Variants in GALNT17 observed in about 807,000 individuals in gnomAD.
GALNT17 encodes polypeptide N-acetylgalactosaminyltransferase 17.
GALNT17 carries 29 observed loss-of-function variants against 63.7 expected under a neutral mutation model. The observed-to-expected ratio is 0.46, with a 90% CI of 0.34 to 0.62. GALNT17 has a LOEUF of 0.62. Ranked by LOEUF, GALNT17 falls within the 20% of genes least tolerant of loss-of-function variation. GALNT17 has a pLI of 0.01. For synonymous variants in GALNT17, 305 were observed against 318.3 expected (o/e 0.96, Z 0.45); for missense variants, 603 against 799.6 (o/e 0.75, Z 2.97).
chr7:71,348,260 C>CA (rs35041703), intron 2 of GALNT17, among the ~76,000 whole-genome samples: 3,718 of 137,084 alleles, frequency 0.027, 125 homozygotes, highest in African/African-American at 0.089. Context: ...GACTCTGTCT[C>CA]AAAAAAAAAA....
intron 5 of GALNT17, among the ~76,000 whole-genome samples, chr7:71,540,928 C>A (rs1788879161): frequency 6.6e-6 from 1 of 151,982 alleles, no homozygotes; most frequent in African/African-American, 2.4e-5. Flanking sequence ...TAAGACACAT[C>A]GAAGAGTTAT....
chr7:71,516,873 C>T (rs1453964028), intron 5 of GALNT17, among the ~76,000 whole-genome samples: 1 of 152,200 alleles, frequency 6.6e-6, no homozygotes, highest in African/African-American at 2.4e-5. Context: ...GTTTGACCTA[C>T]CAAGAAAACA....
intron 5 of GALNT17, among the ~76,000 whole-genome samples, chr7:71,537,644 T>C (rs1198863801): frequency 6.6e-6 from 1 of 152,094 alleles, no homozygotes; most frequent in Non-Finnish European, 1.5e-5. Flanking sequence ...AAACCCTGTC[T>C]GTGCTAAAAA....
intron 5 of GALNT17, among the ~76,000 whole-genome samples, chr7:71,550,368 GT>G (rs1006667329): frequency 6.6e-6 from 1 of 150,638 alleles, no homozygotes; most frequent in Non-Finnish European, 1.5e-5. Flanking sequence ...GTTGTTTTTT[GT>G]TTTTTTGTGT....
chr7:71,530,789 C>T (rs1000556571), intron 5 of GALNT17, among the ~76,000 whole-genome samples: 1 of 151,968 alleles, frequency 6.6e-6, no homozygotes, highest in Non-Finnish European at 1.5e-5. Context: ...AGGATGGTCT[C>T]GATCTCCTGA....
intron 2 of GALNT17, among the ~76,000 whole-genome samples, chr7:71,364,722 A>G (rs981388205): frequency 5.9e-5 from 9 of 152,284 alleles, no homozygotes; most frequent in Admixed American, 2.6e-4. Context: ...GACTTTGCCT[A>G]CTAGAGCTTA....
chr7:71,287,787 A>C (rs1011955131), intron 1 of GALNT17, among the ~76,000 whole-genome samples: 1 of 151,976 alleles, frequency 6.6e-6, no homozygotes, highest in East Asian at 1.9e-4. Flanking sequence ...CATGGTGGCT[A>C]ACGCCTGTAA....
chr7:71,512,212 G>A (rs1037476510), intron 5 of GALNT17, among the ~76,000 whole-genome samples: 2 of 151,802 alleles, frequency 1.3e-5, no homozygotes, highest in African/African-American at 2.4e-5. Flanking sequence ...ACCTTGTTAC[G>A]CAGGCTGGTC....
chr7:71,656,730 C>T (rs376148179), intron 6 of GALNT17, among the ~76,000 whole-genome samples: 1 of 152,090 alleles, frequency 6.6e-6, no homozygotes, highest in Non-Finnish European at 1.5e-5. Context: ...AGTGAAGAGG[C>T]ATCATCTGCA....
At chr7:71,265,066 T>G (rs1038598189) in intron 1 of GALNT17, among the ~76,000 whole-genome samples, 1 of 139,110 alleles carries the variant, frequency 7.2e-6, no homozygotes, top group Non-Finnish European at 1.5e-5. Context: ...ATTTGATGCA[T>G]GTAACAAAAT....
At chr7:71,421,325 C>T (rs1786660768) in intron 5 of GALNT17, among the ~76,000 whole-genome samples, 3 of 152,104 alleles carry the variant, frequency 2.0e-5, no homozygotes, top group African/African-American at 4.8e-5. Context: ...TTTCCAACAG[C>T]GATACTGAGA....
At chr7:71,541,013 C>A (rs1350606605) in intron 5 of GALNT17, among the ~76,000 whole-genome samples, 1 of 151,890 alleles carries the variant, frequency 6.6e-6, no homozygotes, top group Non-Finnish European at 1.5e-5. Flanking sequence ...TCGAGGTGGG[C>A]AGATCACTTG....
chr7:71,471,893 A>T (rs1404173194), intron 5 of GALNT17, among the ~76,000 whole-genome samples: 24 of 151,052 alleles, frequency 1.6e-4, no homozygotes, highest in Admixed American at 1.5e-3. Flanking sequence ...CAGGTACATT[A>T]TCCTGTCTGC....
chr7:71,678,802 A>T (rs1322206378), intron 9 of GALNT17, among the ~76,000 whole-genome samples: 321 of 151,502 alleles, frequency 2.1e-3, no homozygotes, highest in African/African-American at 6.5e-3. Context: ...CTCAAAAAAA[A>T]AAAAAATTAG....
At chr7:71,154,607 C>T (rs894055969) in intron 1 of GALNT17, among the ~76,000 whole-genome samples, 7 of 152,120 alleles carry the variant, frequency 4.6e-5, no homozygotes, top group African/African-American at 1.4e-4. Context: ...GACGGAGTCT[C>T]ACTCTGTCGC....
At chr7:71,654,171 A>G (rs1021692114) in intron 6 of GALNT17, among the ~76,000 whole-genome samples, 1 of 151,922 alleles carries the variant, frequency 6.6e-6, no homozygotes, top group Non-Finnish European at 1.5e-5. Context: ...ACCTGCCACC[A>G]CGCCCAGCTA....
At chr7:71,234,947 G>T (rs1583784993) in intron 1 of GALNT17, among the ~76,000 whole-genome samples, 1 of 152,124 alleles carries the variant, frequency 6.6e-6, no homozygotes, top group Non-Finnish European at 1.5e-5. Flanking sequence ...TTGATCTTAA[G>T]GATAAAAAGT....
At chr7:71,536,326 A>G (rs1425082620) in intron 5 of GALNT17, among the ~76,000 whole-genome samples, 1 of 152,196 alleles carries the variant, frequency 6.6e-6, no homozygotes, top group African/African-American at 2.4e-5. Flanking sequence ...AGACACAGCC[A>G]TGGCCTGGGC....
chr7:71,684,650 C>A (rs1319943581), intron 9 of GALNT17, among the ~76,000 whole-genome samples: 1 of 152,124 alleles, frequency 6.6e-6, no homozygotes, highest in Non-Finnish European at 1.5e-5. Context: ...ATAGTAACCT[C>A]CTCCCATCCC....
Sources: gnomAD v4.1 joint callset for allele counts (sites outside exome capture counted in the v4.1 genomes callset) on GRCh38, gnomAD v4.1.1 for gene constraint, MANE v1.5 for transcripts, NCBI Gene and HGNC (gene_info 2026-07-23, HGNC 2026-07-21) for gene names.